RECQL4: variants seen among roughly 807,000 people sequenced by gnomAD.
The protein encoded by RECQL4 is ATP-dependent DNA helicase Q4.
RECQL4 carries 158 observed loss-of-function variants against 128.6 expected under a neutral mutation model. That is an observed-to-expected ratio of 1.23 (90% confidence interval 1.08 to 1.40). The LOEUF (loss-of-function observed/expected upper bound fraction) is 1.40. Ranked by LOEUF, RECQL4 falls within the 40% of genes most tolerant of loss-of-function variation. The probability of loss-of-function intolerance (pLI) is 0.00; values close to 1 mark genes in which losing one functional copy is unlikely to be tolerated. For synonymous variants in RECQL4, 996 were observed against 678.9 expected, an observed-to-expected ratio of 1.47 and a Z score of -7.26; for missense variants, 2,293 against 1,649.8, an observed-to-expected ratio of 1.39 and a Z score of -6.75.
intron 3 of RECQL4, 63 bp downstream of exon 3, chr8:144,517,351 T>C: frequency 6.7e-7 from 1 of 1,495,090 alleles, no homozygotes; most frequent in East Asian, 2.5e-5. Context: ...CGCGACTCCG[T>C]GGCTCCCGCC....
intron 9 of RECQL4, 26 bp downstream of exon 9, chr8:144,514,910 G>C: frequency 6.2e-7 from 1 of 1,608,746 alleles, no homozygotes; most frequent in Middle Eastern, 2.0e-4. Flanking sequence ...GGCTGTGTAC[G>C]TGTGCCCAGG....
chr8:144,513,936 T>G lies in RECQL4; in HGVS notation c.2050A>C (p.Thr684Pro), dbSNP rs1483958590. The change falls in exon 12 of 21, where the codon ACA (threonine) becomes CCA (proline). Residue 684 changes from threonine to proline, a missense_variant. Transcript: ENST00000617875. ...LHLSVSMDRD[T>P]DQALLTLLQG... ...AGAGCACACACACCCACCTGGTCTG[T>G]GTCCCTGTCCATGGACACGGAAAGG... 3 of 1,554,628 alleles carry G rather than the reference T, an allele frequency of 1.9e-6. No homozygotes were observed. The highest frequency in any genetic ancestry group is 2.6e-6 in the Non-Finnish European group (3 of 1,150,174).
rs776189878 is a variant in RECQL4 at position 144,512,910 on chromosome 8, T to C, written c.2692A>G (p.Met898Val). ...QAAPGPRRVC[M>V]GHERALPIQL... ...ATTGGGAGTGCCCGCTCATGGCCCA[T>C]GCAGACCCTTCTGGGTCCTGGGGCT... Residue 898 changes from methionine (M) to valine (V), a missense_variant, in exon 15 of 21, where the codon ATG becomes GTG. By Grantham distance (21) the Met-to-Val change is conservative. Transcript: ENST00000617875. 14 of 1,587,528 alleles carry C rather than the reference T, an allele frequency of 8.8e-6. No homozygotes were observed. The highest frequency in any genetic ancestry group is 1.3e-5 in the African/African-American group (1 of 74,568).
rs557914343 is a variant in RECQL4, at chr8:144,511,350, G to A, written c.*81C>T. The A allele has an allele frequency of 5.7e-6, 9 of 1,586,096 alleles. No individual in the cohort carries two copies. The South Asian group carries it at 7.8e-5, about 14-fold the overall frequency. Reference sequence around the variant, plus strand: ...AGCCTCCTCGTTCCCACACCCTGTGGCAGGTTTTGCCCAGGTCCTCAGTCA... The same window carrying A: ...AGCCTCCTCGTTCCCACACCCTGTGACAGGTTTTGCCCAGGTCCTCAGTCA... On this transcript the variant is annotated 3_prime_UTR_variant, in exon 21 of 21. Coordinates refer to ENST00000617875, the MANE Select transcript of RECQL4 (RefSeq NM_004260.4).
Position 144,514,470 on chromosome 8 carries a change from C to G in RECQL4, c.1676G>C (p.Arg559Thr), listed in dbSNP as rs1324762406. Reference sequence around the variant, plus strand: ...CTGCAGGACAGATTCCCGTTGCTTCCTGGTCATGCCCGAGTGTATGCAGGC... The same window carrying G: ...CTGCAGGACAGATTCCCGTTGCTTCGTGGTCATGCCCGAGTGTATGCAGGC... ...KAACIHSGMT[R>T]KQRESVLQKI... The change falls in exon 10 of 21, where the codon AGG becomes ACG. Residue 559 changes from arginine (R) to threonine (T), a missense_variant. Physicochemically the swap from Arg to Thr is moderately conservative, Grantham distance 71. Coordinates refer to ENST00000617875, the MANE Select transcript of RECQL4 (RefSeq NM_004260.4). 5.0e-6 allele frequency: 8 copies of G among 1,612,348 alleles called. No homozygotes were observed. Among genetic ancestry groups the G allele is most frequent in the Non-Finnish European group, 6.8e-6 (8 of 1,179,600 alleles).
rs563786469 is a variant in RECQL4 at position 144,514,942 on chromosome 8, A to G, written c.1614T>C (p.Asp538=). Residue 538 remains aspartate (D), a synonymous_variant, in exon 9 of 21, where the codon GAT becomes GAC. Transcript: ENST00000617875. ...CAGGGCCCTGTGTGCACACCTGGTC[A>G]TCCATGAGTGACAGCAGGGGAGAGA... ...LVVSPLLSLM[D]DQVSGLPPCL... is the part of the protein sequence containing the mutation. 1.5e-5 allele frequency: 24 copies of G among 1,611,366 alleles called. No individual in the cohort carries two copies. Among genetic ancestry groups the G allele is most frequent in the Middle Eastern group, 1.8e-4 (1 of 5,670 alleles).
At position 144,516,599 on chromosome 8, in the gene RECQL4, G is replaced by A. The variant is rs369382124; in HGVS notation, c.520C>T (p.His174Tyr). 9.4e-5 allele frequency: 152 copies of A among 1,610,542 alleles called. 2 individuals are homozygous for A. In the South Asian group the frequency reaches 1.5e-3, roughly 16 times the overall value. ...EPQPRPGRLQ[H>Y]LQASLSQRLG... ...CGCTGGCTCAGGGATGCCTGCAGAT[G>A]CTGGAGCCGGCCTGGCCTTGGCTGG... Residue 174 changes from histidine (H) to tyrosine (Y), a missense_variant, in exon 5 of 21, where the codon CAT becomes TAT. Coordinates refer to ENST00000617875, the MANE Select transcript of RECQL4 (RefSeq NM_004260.4).
intron 4 of RECQL4, 46 bp from the exon 5 acceptor site, chr8:144,516,810 G>T: frequency 6.7e-7 from 1 of 1,500,508 alleles, no homozygotes; most frequent in Admixed American, 2.3e-5. Context: ...AGGCCCCTGA[G>T]CTACTGTAGA....
Position 144,516,243 on chromosome 8 carries a change from T to TA in RECQL4, c.875dup (p.Ala293SerfsTer3), listed in dbSNP as rs776617342. ...CCCCTGGAGGGTCTTCCTCAACTGC[T>TA]ACAGCCCCAGCCCCCTCCGATGGGG... On this transcript the variant is annotated frameshift_variant, in exon 5 of 21. Coordinates refer to ENST00000617875, the MANE Select transcript of RECQL4 (RefSeq NM_004260.4). LOFTEE classifies it high-confidence loss of function. 2 of 1,612,888 alleles carry TA rather than the reference T, an allele frequency of 1.2e-6. No homozygotes were observed. Among genetic ancestry groups the TA allele is most frequent in the East Asian group, 4.5e-5 (2 of 44,882 alleles).
chr8:144,515,947 G>A, intron 5 of RECQL4, 41 bp downstream of exon 5: 1 of 1,611,994 alleles, frequency 6.2e-7, no homozygotes. Context: ...GGGCTGAGGG[G>A]AGGGAAAGGG....
Position 144,517,738 on chromosome 8 carries a change from C to T in RECQL4, c.47G>A (p.Arg16His), listed in dbSNP as rs1483243361. 3 of 1,347,322 alleles carry T rather than the reference C, an allele frequency of 2.2e-6. No individual in the cohort carries two copies. The highest frequency in any genetic ancestry group is 3.3e-5 in the East Asian group (1 of 30,652). The allele number at this position is 1,347,322 out of a possible 1,614,324, so 83.5% of individuals were successfully genotyped here. A position where few individuals can be genotyped will look rare whatever the true frequency, so the allele number is the denominator to read the frequency against. Reference protein sequence around the residue: ...DVRERLQAWERAFRRQRGRRP... With the variant: ...DVRERLQAWEHAFRRQRGRRP... ...CCGCCCGCGCTGCCGTCGGAACGCGCGCTCCCACGCCTGCAGCCGCTCCCG... is the reference window on the plus strand; with the variant it reads ...CCGCCCGCGCTGCCGTCGGAACGCGTGCTCCCACGCCTGCAGCCGCTCCCG... Residue 16 changes from arginine to histidine, a missense_variant, in exon 1 of 21, where the codon CGC (arginine) becomes CAC (histidine). Coordinates refer to ENST00000617875, the MANE Select transcript of RECQL4 (RefSeq NM_004260.4).
Position 144,514,540 on chromosome 8 carries a change from G to A in RECQL4, c.1621-15C>T, listed in dbSNP as rs4244611. 0.46 allele frequency: 739,287 copies of A among 1,607,346 alleles called. 175,756 individuals carry two copies. Among genetic ancestry groups the A allele is most frequent in the South Asian group, 0.56 (51,050 of 90,448 alleles). ...AGGCCAGACACCTGCAAATGCAGGA[G>A]CGACAGCCGTCATACGCCAGCCCAG... On this transcript the variant is annotated splice_polypyrimidine_tract_variant and intron_variant, in intron 9 of 20. Coordinates refer to ENST00000617875, the MANE Select transcript of RECQL4 (RefSeq NM_004260.4).
rs1211911104 is a variant in RECQL4 at position 144,517,490 on chromosome 8, C to A, written c.137G>T (p.Arg46Leu). ...CTGGCCCGTGGTACGCTTCAGAGTG[C>A]GGTATTCCCGGTAGAGCGCTGCGTG... is the stretch of plus-strand genomic sequence containing the variant. Reference protein sequence around the residue: ...EETRALYREYRTLKRTTGQAG... With the variant: ...EETRALYREYLTLKRTTGQAG... Residue 46 changes from arginine (R) to leucine (L), a missense_variant, in exon 3 of 21, where the codon CGC becomes CTC. Coordinates refer to ENST00000617875, the MANE Select transcript of RECQL4 (RefSeq NM_004260.4). 1 of 1,596,276 alleles carries A rather than the reference C, an allele frequency of 6.3e-7. No homozygotes were observed. Among genetic ancestry groups the A allele is most frequent in the Non-Finnish European group, 8.5e-7 (1 of 1,175,976 alleles).
intron 4 of RECQL4, 109 bp from the exon 5 acceptor site, chr8:144,516,873 A>G (rs1015987868): frequency 2.9e-6 from 4 of 1,378,894 alleles, no homozygotes; most frequent in Non-Finnish European, 3.9e-6. Flanking sequence ...GCTAATTAGC[A>G]CAAGGCTGGA....
In RECQL4 at chr8:144,513,244, G is replaced by A. The variant is rs945709072; in HGVS notation, c.2437C>T (p.His813Tyr). The change falls in exon 14 of 21, where the codon CAC becomes TAC. Residue 813 changes from histidine to tyrosine, a missense_variant. Coordinates refer to ENST00000617875, the MANE Select transcript of RECQL4 (RefSeq NM_004260.4). ...TGGGGCTGCAGGAAGAGGTGGCAGT[G>A]GGCAGGCTGCCCGTCACGCCCGGCC... ...GRAGRDGQPA[H>Y]CHLFLQPQGE... The A allele has an allele frequency of 3.1e-6, 5 of 1,587,982 alleles. No homozygotes were observed. The Admixed American group carries it at 5.1e-5, about 16-fold the overall frequency.
rs1489813654 is a variant in RECQL4, at chr8:144,516,212, C to A, written c.907G>T (p.Val303Leu). The change falls in exon 5 of 21, where the codon GTA (valine) becomes TTA (leucine). Residue 303 changes from valine (V) to leucine (L), a missense_variant. Physicochemically the swap from Val to Leu is conservative, Grantham distance 32. Coordinates refer to ENST00000617875, the MANE Select transcript of RECQL4 (RefSeq NM_004260.4). Reference sequence around the variant, plus strand: ...CAGGGCTGAGGTGGCTGTGCCTGTACAGGTTCCCCTGGAGGGTCTTCCTCA... The same window carrying A: ...CAGGGCTGAGGTGGCTGTGCCTGTAAAGGTTCCCCTGGAGGGTCTTCCTCA... ...AVEEDPPGEPVQAQPPQPCSS... is the reference protein window; with the variant it reads ...AVEEDPPGEPLQAQPPQPCSS... 26 of 1,613,288 alleles carry A rather than the reference C, an allele frequency of 1.6e-5. No homozygotes were observed. Among genetic ancestry groups the A allele is most frequent in the Non-Finnish European group, 2.1e-5 (25 of 1,179,854 alleles).
rs370432468 is a variant in RECQL4, at chr8:144,513,111, G to A, written c.2491C>T (p.His831Tyr). The A allele has an allele frequency of 1.3e-5, 20 of 1,569,578 alleles. No homozygotes were observed. Among genetic ancestry groups the A allele is most frequent in the Non-Finnish European group, 1.6e-5 (18 of 1,156,126 alleles). The change falls in exon 15 of 21, where the codon CAT (histidine) becomes TAT (tyrosine). Residue 831 changes from histidine to tyrosine, a missense_variant. Physicochemically the swap from His to Tyr is moderately conservative, Grantham distance 83 (BLOSUM62 2). Transcript: ENST00000617875. ...AAGTCCGTGCTGTCGGCGTGCACAT[G>A]TCTGCGCAGCTCTCGCAGGTCTTCG... is the stretch of plus-strand genomic sequence containing the variant. ...QGEDLRELRR[H>Y]VHADSTDFLA...
In RECQL4 at chr8:144,516,702, G is replaced by A. The variant is rs1554903649; in HGVS notation, c.417C>T (p.Thr139=). 6.4e-7 allele frequency: 1 copy of A among 1,555,380 alleles called. No individual in the cohort carries two copies. The highest frequency in any genetic ancestry group is 8.7e-7 in the Non-Finnish European group (1 of 1,152,648). ...CAGGCCCTGTACCTGGGGGCTTTGGGGTGGATGCCTTAGATGAGGCTCTTC... is the reference window on the plus strand; with the variant it reads ...CAGGCCCTGTACCTGGGGGCTTTGGAGTGGATGCCTTAGATGAGGCTCTTC... ...PLGRASSKAS[T]PKPPGTGPVP... is the part of the protein sequence containing the mutation. The change falls in exon 5 of 21, where the codon ACC becomes ACT. Residue 139 remains threonine (T), a synonymous_variant. Coordinates refer to ENST00000617875, the MANE Select transcript of RECQL4 (RefSeq NM_004260.4).
rs1004279093 is a variant in RECQL4, at chr8:144,512,566, G to A, written c.2886-5C>T. ...CACACAGCCAAAGGGGGACACCTGT[G>A]CCCAGGGAAAAAGGGACATGTGGCC... On this transcript the variant is annotated splice_region_variant and splice_polypyrimidine_tract_variant and intron_variant, in intron 16 of 20. Coordinates refer to ENST00000617875, the MANE Select transcript of RECQL4 (RefSeq NM_004260.4). 40 of 1,612,336 alleles carry A rather than the reference G, an allele frequency of 2.5e-5. No homozygotes were observed. Among genetic ancestry groups the A allele is most frequent in the East Asian group, 4.5e-5 (2 of 44,876 alleles).
Sources: allele counts gnomAD v4.1 joint callset, GRCh38; gene constraint gnomAD v4.1.1; transcripts MANE v1.5; gene names NCBI Gene and HGNC (gene_info 2026-07-23, HGNC 2026-07-21).